MLLT3: variants seen among roughly 807,000 people sequenced by gnomAD.
The protein encoded by MLLT3 is MLLT3 super elongation complex subunit.
MLLT3 carries 4 observed loss-of-function variants against 53.2 expected under a neutral mutation model. The observed-to-expected ratio is 0.08, with a 90% CI of 0.04 to 0.17. The LOEUF (loss-of-function observed/expected upper bound fraction) is 0.17, where lower values mean the gene tolerates loss of function less well. MLLT3 is among the 10% of genes least tolerant of loss of function. The pLI, the probability that MLLT3 is intolerant of heterozygous loss-of-function variation, is 1.00. For missense variants in MLLT3, 569 were observed against 684.0 expected (o/e 0.83, Z 1.87); for synonymous variants, 283 against 230.6 (o/e 1.23, Z -2.06).
intron 5 of MLLT3, chr9:20,410,521 T>C (rs921642118): frequency 9.2e-5 from 14 of 152,164 alleles, no homozygotes; most frequent in African/African-American, 3.4e-4. Context: ...ACAGCCTGTC[T>C]GACACCAGAC....
intron 2 of MLLT3, among the ~76,000 whole-genome samples, chr9:20,602,761 T>TACACAC (rs3086486): frequency 0.17 from 25,621 of 147,162 alleles, 2,508 homozygotes; most frequent in Non-Finnish European, 0.24. Flanking sequence ...TTAAGTTTGA[T>TACACAC]ACACACACAC....
In MLLT3 at chr9:20,426,422, T is replaced by G. The variant is rs1823140076; in HGVS notation, c.421-11997A>C. Among the ~76,000 whole-genome samples the G allele has an allele frequency of 3.3e-5, 5 of 152,214 alleles. No individual in the cohort carries two copies. The South Asian group carries it at 1.0e-3, about 32-fold the overall frequency. On this transcript the variant is annotated intron_variant, in intron 4 of 10. Transcript: ENST00000380338. The stretch of plus-strand genomic sequence containing the variant: ...TCGTTAAATAACAGAGAATAGCCAA[T>G]CTTCAGATTATATTACTAATCACAA...
chr9:20,541,544 C>A (rs1818630630), intron 2 of MLLT3, among the ~76,000 whole-genome samples: 2 of 152,136 alleles, frequency 1.3e-5, no homozygotes, highest in Non-Finnish European at 2.9e-5. Flanking sequence ...CAAAGGAGGA[C>A]CTGCCACACT....
chr9:20,535,769 C>A (rs1205501736), intron 2 of MLLT3, among the ~76,000 whole-genome samples: 1 of 152,194 alleles, frequency 6.6e-6, no homozygotes, highest in East Asian at 1.9e-4. Flanking sequence ...TCAACTCCCA[C>A]ATGTCCCACA....
At chr9:20,504,550 C>T (rs1159527943) in intron 2 of MLLT3, among the ~76,000 whole-genome samples, 3 of 152,028 alleles carry the variant, frequency 2.0e-5, no homozygotes, top group Admixed American at 6.5e-5. Flanking sequence ...AAAAGCTGAA[C>T]TCATTGAATC....
chr9:20,605,445 A>C (rs1820538516), intron 2 of MLLT3, among the ~76,000 whole-genome samples: 1 of 152,076 alleles, frequency 6.6e-6, no homozygotes, highest in Admixed American at 6.6e-5. Context: ...AGTAATTTAA[A>C]TAAGTGACCC....
rs535740122 is a variant in MLLT3, at chr9:20,512,757, C to T, written c.194-55971G>A. ...ACTGAAGTTACTAAAATAGCTATGA[C>T]CATCACCACAACTGCTTCTAACTAT... On this transcript the variant is annotated intron_variant, in intron 2 of 10. Transcript: ENST00000380338. Among the ~76,000 whole-genome samples, 3 of 152,280 alleles carry T rather than the reference C, an allele frequency of 2.0e-5. No homozygotes were observed. The South Asian group carries it at 6.2e-4, about 32-fold the overall frequency.
chr9:20,465,726 T>C (rs1824222899), intron 2 of MLLT3, among the ~76,000 whole-genome samples: 1 of 152,164 alleles, frequency 6.6e-6, no homozygotes, highest in Non-Finnish European at 1.5e-5. Flanking sequence ...ACAAGATTTC[T>C]TTTCAGCATC....
intron 2 of MLLT3, among the ~76,000 whole-genome samples, chr9:20,613,588 T>C (rs1036698535): frequency 1.4e-5 from 2 of 142,558 alleles, no homozygotes; most frequent in African/African-American, 5.2e-5. Flanking sequence ...TTCCCCATGC[T>C]TTTTTTTTTT....
intron 4 of MLLT3, among the ~76,000 whole-genome samples, chr9:20,442,339 C>T (rs1286339260): frequency 5.3e-5 from 8 of 152,096 alleles, no homozygotes; most frequent in Non-Finnish European, 1.2e-4. Flanking sequence ...TTCACTTTGC[C>T]TTGGACCCAC....
rs1193339124 is a variant in MLLT3, at chr9:20,514,489, C to T, written c.194-57703G>A. On this transcript the variant is annotated intron_variant, in intron 2 of 10. Coordinates refer to ENST00000380338, the MANE Select transcript of MLLT3 (RefSeq NM_004529.4). ...TTCAACAAAATGATATGTAGCTGTA[C>T]CATATAGGGGTTTTTATTATTTTTT... 4.6e-5 allele frequency among the ~76,000 whole-genome samples: 7 copies of T among 151,942 alleles called. No homozygotes were observed. In the East Asian group the frequency reaches 1.3e-3, roughly 29 times the overall value.
intron 5 of MLLT3, among the ~76,000 whole-genome samples, chr9:20,398,576 A>G (rs1369621590): frequency 6.6e-6 from 1 of 152,104 alleles, no homozygotes; most frequent in Non-Finnish European, 1.5e-5. Flanking sequence ...AATAATTTCA[A>G]GAGCACTGTA....
intron 2 of MLLT3, among the ~76,000 whole-genome samples, chr9:20,472,598 A>G (rs534058542): frequency 6.6e-5 from 10 of 152,210 alleles, no homozygotes; most frequent in African/African-American, 2.4e-4. Context: ...TAGATTGAAC[A>G]AACTTCAGAT....
chr9:20,387,776 G>A (rs537292005), intron 5 of MLLT3, among the ~76,000 whole-genome samples: 1 of 152,288 alleles, frequency 6.6e-6, no homozygotes, highest in South Asian at 2.1e-4. Context: ...GGCAGTTTGA[G>A]AAAAGTTACA....
intron 5 of MLLT3, among the ~76,000 whole-genome samples, chr9:20,402,520 G>A (rs553218913): frequency 1.3e-5 from 2 of 152,326 alleles, no homozygotes; most frequent in Admixed American, 6.5e-5. Context: ...TTCGTCCGCT[G>A]AGAACAGCAG....
chr9:20,596,706 A>T (rs679212), intron 2 of MLLT3, among the ~76,000 whole-genome samples: 2 of 152,214 alleles, frequency 1.3e-5, no homozygotes, highest in Admixed American at 6.5e-5. Flanking sequence ...AAAAATAAAT[A>T]AATAAAATAA....
At chr9:20,464,391 G>T (rs950632171) in intron 2 of MLLT3, among the ~76,000 whole-genome samples, 2 of 152,048 alleles carry the variant, frequency 1.3e-5, no homozygotes, top group Non-Finnish European at 2.9e-5. Flanking sequence ...ACTGTGGATA[G>T]AGCAATAAAC....
intron 2 of MLLT3, among the ~76,000 whole-genome samples, chr9:20,513,864 A>G (rs1166110371): frequency 6.6e-6 from 1 of 152,222 alleles, no homozygotes; most frequent in East Asian, 1.9e-4. Context: ...ATAAAAATTC[A>G]CTGTAATTCA....
In MLLT3 at chr9:20,540,591, G is replaced by A. The variant is rs533118490; in HGVS notation, c.193+80063C>T. Among the ~76,000 whole-genome samples, 3 of 152,338 alleles carry A rather than the reference G, an allele frequency of 2.0e-5. No individual in the cohort carries two copies. In the South Asian group the frequency reaches 6.2e-4, roughly 32 times the overall value. ...GCTGAAGTGGGTGGGGCTGGAGATG[G>A]AGCAGCTGGGACACAGGGTGCCATG... On this transcript the variant is annotated intron_variant, in intron 2 of 10. Coordinates refer to ENST00000380338, the MANE Select transcript of MLLT3 (RefSeq NM_004529.4).
Sources: gnomAD v4.1 joint callset for allele counts (sites outside exome capture counted in the v4.1 genomes callset) on GRCh38, gnomAD v4.1.1 for gene constraint, MANE v1.5 for transcripts, NCBI Gene and HGNC (gene_info 2026-07-23, HGNC 2026-07-21) for gene names.